Variants in RTN1 observed in about 807,000 individuals in gnomAD.
The protein encoded by RTN1 is reticulon 1.
A neutral mutation model predicts 65.5 loss-of-function variants in RTN1; 25 were observed. That is an observed-to-expected ratio of 0.38 (90% CI 0.28 to 0.53). The LOEUF (loss-of-function observed/expected upper bound fraction) is 0.53, where lower values mean the gene tolerates loss of function less well. Among genes scored for constraint, RTN1 ranks in the 20% least tolerant of loss-of-function variants. RTN1 has a pLI of 0.79. For missense variants in RTN1, 983 were observed against 1,025.4 expected (o/e 0.96, Z 0.57); for synonymous variants, 471 against 447.6 (o/e 1.05, Z -0.66).
At position 59,746,399 on chromosome 14, in the gene RTN1, G is replaced by C. The variant is rs779968472; in HGVS notation, c.324C>G (p.Leu108=). The C allele has an allele frequency of 1.9e-6, 3 of 1,613,916 alleles. No individual in the cohort carries two copies. The African/African-American group carries it at 4.0e-5, about 22-fold the overall frequency. Residue 108 remains leucine, a synonymous_variant, in exon 2 of 9, where the codon CTC becomes CTG. Transcript: ENST00000267484. Reference sequence around the variant, plus strand: ...GAGGTGGATAGCAGATGTCAGAAATGAGAGATGTGTAACACGATCCTTCCC... The same window carrying C: ...GAGGTGGATAGCAGATGTCAGAAATCAGAGATGTGTAACACGATCCTTCCC... ...KDGEGSCYTS[L]ISDICYPPQE... is the part of the protein sequence containing the mutation.
At chr14:59,728,254 T>TTTTTTTTTTTTTTTTTTTTTTTTTTTTC (rs1216858375) in intron 2 of RTN1, among the ~76,000 whole-genome samples, 1 of 51,046 alleles carries the variant, frequency 2.0e-5, no homozygotes, top group African/African-American at 1.2e-4. Flanking sequence ...AGTATCTTTT[T>TTTTTTTTTTTTTTTTTTTTTTTTTTTTC]TTTTTTTTTT....
intron 1 of RTN1, among the ~76,000 whole-genome samples, chr14:59,814,870 T>C (rs1007643916): frequency 1.2e-4 from 19 of 152,260 alleles, no homozygotes; most frequent in African/African-American, 4.3e-4. Context: ...CCCTGATTTA[T>C]GTTCAGTGTG....
intron 8 of RTN1, among the ~76,000 whole-genome samples, 184 bp downstream of exon 8, chr14:59,602,881 T>C (rs144262696): frequency 0.016 from 2,364 of 152,238 alleles, 26 homozygotes; most frequent in Non-Finnish European, 0.023. Flanking sequence ...AATTGAGAGT[T>C]TAAAAACTTA....
chr14:59,667,594 T>C (rs559256622), intron 3 of RTN1, among the ~76,000 whole-genome samples: 2 of 152,284 alleles, frequency 1.3e-5, no homozygotes, highest in South Asian at 2.1e-4. Context: ...AACATAGTGT[T>C]GGAAATTCTG....
At chr14:59,736,144 A>G (rs1594709718) in intron 2 of RTN1, among the ~76,000 whole-genome samples, 1 of 152,194 alleles carries the variant, frequency 6.6e-6, no homozygotes, top group African/African-American at 2.4e-5. Context: ...GAGAACCAAG[A>G]GCAAACAAAC....
chr14:59,727,824 C>T lies in RTN1; in HGVS notation c.1016-156G>A. ...CATTAGCACAAAAATAATCTGTTTCCAGGGCTATGCTGGAAAGACAGGCCA... is the reference window on the plus strand; with the variant it reads ...CATTAGCACAAAAATAATCTGTTTCTAGGGCTATGCTGGAAAGACAGGCCA... On this transcript the variant is annotated intron_variant, in intron 2 of 8. Transcript: ENST00000267484. The surrounding 1 kb of genome is among the most constrained non-coding windows in gnomAD (Gnocchi z 4.2). The T allele has an allele frequency of 9.0e-7, 1 of 1,115,280 alleles. No homozygotes were observed. The highest frequency in any genetic ancestry group is 1.2e-6 in the Non-Finnish European group (1 of 819,802). 69.1% of individuals were successfully genotyped at this position (1,115,280 alleles called of 1,614,324 possible).
chr14:59,701,783 G>A (rs898640144), intron 3 of RTN1, among the ~76,000 whole-genome samples: 1 of 152,196 alleles, frequency 6.6e-6, no homozygotes, highest in Admixed American at 6.5e-5. Flanking sequence ...ACAACTCTGT[G>A]AAGGTACTGA....
chr14:59,769,265 G>A (rs1885908788), intron 1 of RTN1, among the ~76,000 whole-genome samples: 1 of 151,966 alleles, frequency 6.6e-6, no homozygotes, highest in Non-Finnish European at 1.5e-5. Context: ...TTTCTGTTAG[G>A]GTACTTTTCA....
chr14:59,788,483 GT>G (rs1387971554), intron 1 of RTN1, among the ~76,000 whole-genome samples: 1 of 151,978 alleles, frequency 6.6e-6, no homozygotes, highest in Non-Finnish European at 1.5e-5. Context: ...CATAATATTT[GT>G]TTTTCATGTT....
chr14:59,730,279 T>G (rs941397025), intron 2 of RTN1, among the ~76,000 whole-genome samples: 11 of 152,176 alleles, frequency 7.2e-5, no homozygotes, highest in African/African-American at 2.7e-4. Flanking sequence ...CAAGTTATAT[T>G]TTGGGGCATG....
chr14:59,681,658 G>A (rs1883748237), intron 3 of RTN1, among the ~76,000 whole-genome samples: 1 of 152,130 alleles, frequency 6.6e-6, no homozygotes, highest in Non-Finnish European at 1.5e-5. Context: ...CCAGGTTCAG[G>A]TCACTAACTG....
chr14:59,798,936 T>C (rs929495509), intron 1 of RTN1, among the ~76,000 whole-genome samples: 2 of 152,188 alleles, frequency 1.3e-5, no homozygotes, highest in Non-Finnish European at 2.9e-5. Flanking sequence ...ATAGGATTCT[T>C]AGCACTCCCA....
At chr14:59,777,992 A>G (rs932022843) in intron 1 of RTN1, among the ~76,000 whole-genome samples, 1 of 152,074 alleles carries the variant, frequency 6.6e-6, no homozygotes, top group Non-Finnish European at 1.5e-5. Flanking sequence ...TCCAAAGCAC[A>G]CTGTGTTGCT....
At chr14:59,715,487 A>T (rs190604035) in intron 3 of RTN1, among the ~76,000 whole-genome samples, 1 of 152,278 alleles carries the variant, frequency 6.6e-6, no homozygotes, top group East Asian at 1.9e-4. Flanking sequence ...AACTTCTCCA[A>T]ATTTCAGGAT....
intron 2 of RTN1, among the ~76,000 whole-genome samples, chr14:59,735,241 T>C (rs1281339199): frequency 6.6e-6 from 1 of 152,124 alleles, no homozygotes; most frequent in Non-Finnish European, 1.5e-5. Context: ...AAGGAAACAC[T>C]GAATATGGAA....
intron 3 of RTN1, among the ~76,000 whole-genome samples, chr14:59,695,484 T>C (rs891175043): frequency 1.8e-4 from 27 of 152,252 alleles, no homozygotes; most frequent in African/African-American, 6.3e-4. Context: ...GGACAGCATG[T>C]CCTAGACAGG....
At chr14:59,708,430 C>T (rs1451105512) in intron 3 of RTN1, among the ~76,000 whole-genome samples, 3 of 152,226 alleles carry the variant, frequency 2.0e-5, no homozygotes, top group Admixed American at 6.5e-5. Context: ...AAACACACAG[C>T]TTGTTCCAAT....
chr14:59,637,099 A>G (rs2103968), intron 3 of RTN1, among the ~76,000 whole-genome samples: 57,134 of 152,040 alleles, frequency 0.38, 11,854 homozygotes, highest in East Asian at 0.47. Context: ...TACCCACAGT[A>G]GAAGTTCTTT....
rs142563959 is a variant in RTN1, at chr14:59,829,673, C to T, written c.241+40717G>A. Among the ~76,000 whole-genome samples, 226 of 152,318 alleles carry T rather than the reference C, an allele frequency of 1.5e-3. 1 individual carries two copies. The highest frequency in any genetic ancestry group is 3.4e-3 in the Middle Eastern group (1 of 294). The stretch of plus-strand genomic sequence containing the variant: ...AGGTTGGCTTGGGGACTCTGCTCTC[C>T]ACAGTCCTCACACAGGGAGCAGGCA... On this transcript the variant is annotated intron_variant, in intron 1 of 8. Transcript: ENST00000267484. This position sits in a 1 kb window ranked among gnomAD's most constrained non-coding sequence, Gnocchi z 4.3.
Sources: gnomAD v4.1 joint callset for allele counts (sites outside exome capture counted in the v4.1 genomes callset) on GRCh38, gnomAD v4.1.1 for gene constraint, Gnocchi (gnomAD v3.1) non-coding constraint, MANE v1.5 for transcripts, NCBI Gene and HGNC (gene_info 2026-07-23, HGNC 2026-07-21) for gene names.